The following CRACDL variants were observed in gnomAD, a reference collection of about 807,000 sequenced individuals.
CRACDL encodes the protein CRACD like.
Under a neutral mutation model 70.6 loss-of-function variants are expected in CRACDL, and 26 were observed. That is an observed-to-expected ratio of 0.37 (90% CI 0.27 to 0.51). CRACDL has a LOEUF of 0.51. CRACDL is among the 20% of genes least tolerant of loss of function. CRACDL has a pLI of 0.94. For synonymous variants in CRACDL, 618 were observed against 615.2 expected (o/e 1.00, Z -0.07); for missense variants, 1,283 against 1,376.9 (o/e 0.93, Z 1.08).
At chr2:98,795,367 C>T (rs917142714) in intron 9 of CRACDL, among the ~76,000 whole-genome samples, 6 of 151,850 alleles carry the variant, frequency 4.0e-5, no homozygotes, top group Non-Finnish European at 8.8e-5. Context: ...TAAGCCATGG[C>T]GTCCGGCCTA....
At chr2:98,876,265 C>T (rs1707486477) in intron 1 of CRACDL, among the ~76,000 whole-genome samples, 1 of 152,034 alleles carries the variant, frequency 6.6e-6, no homozygotes, top group African/African-American at 2.4e-5. Context: ...AGTTTAGTAA[C>T]TGAAAAGGTA....
chr2:98,869,279 G>C (rs934026805), intron 1 of CRACDL: 29 of 1,229,126 alleles, frequency 2.4e-5, no homozygotes, highest in Non-Finnish European at 3.1e-5. Flanking sequence ...GTACCCGTGC[G>C]CCAGGAGGAA....
intron 7 of CRACDL, among the ~76,000 whole-genome samples, chr2:98,809,229 T>C (rs1261763377): frequency 6.6e-6 from 1 of 151,830 alleles, no homozygotes; most frequent in African/African-American, 2.4e-5. Context: ...AGTAGGGAGA[T>C]CAGCAGGACT....
At chr2:98,826,909 G>C (rs552233535) in intron 6 of CRACDL, 66 bp downstream of exon 6, 3 of 1,288,900 alleles carry the variant, frequency 2.3e-6, no homozygotes, top group African/African-American at 1.5e-5. Context: ...GGCAGGTTGG[G>C]GGGGGGCATA....
At chr2:98,834,927 T>C (rs1705707629) in intron 3 of CRACDL, among the ~76,000 whole-genome samples, 1 of 152,122 alleles carries the variant, frequency 6.6e-6, no homozygotes, top group African/African-American at 2.4e-5. Flanking sequence ...GTAGTAATAA[T>C]AATTAAAAAA....
intron 1 of CRACDL, among the ~76,000 whole-genome samples, chr2:98,858,595 G>T (rs1250357370): frequency 2.0e-5 from 3 of 151,226 alleles, no homozygotes; most frequent in African/African-American, 7.3e-5. Context: ...AAAAAGAAGG[G>T]CAATCTAAAC....
rs1305912319 is a variant in CRACDL, at chr2:98,822,673, C to T, written c.1600G>A (p.Ala534Thr). Residue 534 changes from alanine to threonine, a missense_variant, in exon 7 of 10, where the codon GCC (alanine) becomes ACC (threonine). Physicochemically the swap from Ala to Thr is moderately conservative, Grantham distance 58. Transcript: ENST00000397899. The surrounding 1 kb of genome is among the most constrained non-coding windows in gnomAD (Gnocchi z 4.9). ...EPGPGSLDAE[A>T]AAPERPKAER... ...GCCTTGGGGCGCTCCGGGGCGGCGGCCTCTGCGTCGAGGGAACCGGGGCCG... is the reference window on the plus strand; with the variant it reads ...GCCTTGGGGCGCTCCGGGGCGGCGGTCTCTGCGTCGAGGGAACCGGGGCCG... The T allele has an allele frequency of 8.6e-6, 11 of 1,278,126 alleles. No homozygotes were observed. The highest frequency in any genetic ancestry group is 8.5e-5 in the Admixed American group (2 of 23,422). 79.2% of individuals were successfully genotyped at this position (1,278,126 alleles called of 1,614,324 possible).
chr2:98,919,891 T>C (rs532135844), intron 1 of CRACDL, among the ~76,000 whole-genome samples: 1 of 152,206 alleles, frequency 6.6e-6, no homozygotes, highest in South Asian at 2.1e-4. Context: ...TAGTTGGGAC[T>C]GCAGGTATGC....
At chr2:98,901,995 G>C (rs557182220) in intron 1 of CRACDL, among the ~76,000 whole-genome samples, 2 of 152,046 alleles carry the variant, frequency 1.3e-5, no homozygotes, top group African/African-American at 4.8e-5. Flanking sequence ...CCGAGAAAGC[G>C]GGACGTCATA....
intron 9 of CRACDL, among the ~76,000 whole-genome samples, chr2:98,795,433 G>C (rs1471119291): frequency 6.6e-6 from 1 of 152,036 alleles, no homozygotes; most frequent in South Asian, 2.1e-4. Context: ...AAGATGCTAT[G>C]CTCAGTGAAA....
chr2:98,879,310 A>G (rs2104612539), intron 1 of CRACDL, among the ~76,000 whole-genome samples: 1 of 152,310 alleles, frequency 6.6e-6, no homozygotes, highest in African/African-American at 2.4e-5. Flanking sequence ...CACTGTGTTC[A>G]TTTCTTCTGA....
At chr2:98,859,377 A>G (rs940380082) in intron 1 of CRACDL, among the ~76,000 whole-genome samples, 1 of 152,214 alleles carries the variant, frequency 6.6e-6, no homozygotes, top group Non-Finnish European at 1.5e-5. Context: ...ACTTTAATGG[A>G]GGTATAAAAA....
At chr2:98,895,573 T>C in intron 1 of CRACDL, among the ~76,000 whole-genome samples, 1 of 152,044 alleles carries the variant, frequency 6.6e-6, no homozygotes, top group East Asian at 1.9e-4. Context: ...TTTTGAGAGC[T>C]GGATTAGGGT....
At chr2:98,910,454 G>T (rs1241969406) in intron 1 of CRACDL, among the ~76,000 whole-genome samples, 1 of 152,012 alleles carries the variant, frequency 6.6e-6, no homozygotes, top group Non-Finnish European at 1.5e-5. Context: ...CTGGGAGGTG[G>T]AGGTTGCAGT....
intron 7 of CRACDL, among the ~76,000 whole-genome samples, chr2:98,818,848 G>GC (rs1408560836): frequency 6.6e-6 from 1 of 152,190 alleles, no homozygotes; most frequent in Non-Finnish European, 1.5e-5. Flanking sequence ...GTAGGATCAG[G>GC]CAGCAGGCCC....
At chr2:98,815,380 A>T (rs1704739136) in intron 7 of CRACDL, among the ~76,000 whole-genome samples, 1 of 152,224 alleles carries the variant, frequency 6.6e-6, no homozygotes, top group Non-Finnish European at 1.5e-5. Flanking sequence ...AACTTCATAC[A>T]CACATTTAAA....
chr2:98,821,712 T>G, intron 7 of CRACDL, 145 bp downstream of exon 7: 2 of 1,080,774 alleles, frequency 1.9e-6, no homozygotes, highest in Non-Finnish European at 2.6e-6. Flanking sequence ...AGATCAGACA[T>G]GATGTTAGTG....
At chr2:98,898,320 C>A (rs907342292) in intron 1 of CRACDL, among the ~76,000 whole-genome samples, 3 of 152,254 alleles carry the variant, frequency 2.0e-5, no homozygotes, top group Non-Finnish European at 2.9e-5. Flanking sequence ...GAGAGGTCAC[C>A]TCGCTAAGAG....
At chr2:98,913,774 G>T (rs1708600627) in intron 1 of CRACDL, among the ~76,000 whole-genome samples, 1 of 152,238 alleles carries the variant, frequency 6.6e-6, no homozygotes, top group Admixed American at 6.5e-5. Flanking sequence ...TTAGAATGAA[G>T]ATTCAGGCAA....
Sources: allele counts gnomAD v4.1 joint callset (sites outside exome capture counted in the v4.1 genomes callset), GRCh38; gene constraint gnomAD v4.1.1; non-coding constraint Gnocchi (gnomAD v3.1); transcripts MANE v1.5; gene names NCBI Gene and HGNC (gene_info 2026-07-23, HGNC 2026-07-21).